CNNM1: variants seen among roughly 807,000 people sequenced by gnomAD.
The protein encoded by CNNM1 is metal transporter CNNM1.
CNNM1 carries 44 observed loss-of-function variants against 78.8 expected under a neutral mutation model. The ratio of observed to expected loss-of-function variants is 0.56; its 90% CI spans 0.44 to 0.72. CNNM1 has a LOEUF of 0.72. Among genes scored for constraint, CNNM1 ranks in the 30% least tolerant of loss-of-function variants. CNNM1 has a pLI of 0.00. For synonymous variants in CNNM1, 584 were observed against 581.5 expected (o/e 1.00, Z -0.06); for missense variants, 1,101 against 1,292.2 (o/e 0.85, Z 2.27).
intron 1 of CNNM1, among the ~76,000 whole-genome samples, chr10:99,351,974 C>G (rs563233247): frequency 6.6e-6 from 1 of 152,264 alleles, no homozygotes; most frequent in East Asian, 1.9e-4. Context: ...ATAATAGCTT[C>G]ATTGAGATAG....
chr10:99,378,396 T>C (rs2032042729), intron 7 of CNNM1, among the ~76,000 whole-genome samples: 2 of 152,214 alleles, frequency 1.3e-5, no homozygotes, highest in Non-Finnish European at 2.9e-5. Context: ...GGCTGGGTCA[T>C]GAGAGGTGCA....
intron 6 of CNNM1, among the ~76,000 whole-genome samples, chr10:99,373,341 C>G (rs901050631): frequency 6.6e-6 from 1 of 152,172 alleles, no homozygotes; most frequent in Non-Finnish European, 1.5e-5. Context: ...ACACTCTCTT[C>G]CCTTGGTTAT....
chr10:99,363,230 CCT>C (rs1316518352), intron 4 of CNNM1, among the ~76,000 whole-genome samples: 1 of 152,226 alleles, frequency 6.6e-6, no homozygotes, highest in African/African-American at 2.4e-5. Flanking sequence ...CCACTTCCAG[CCT>C]CTCTGCTCTG....
intron 4 of CNNM1, among the ~76,000 whole-genome samples, chr10:99,363,334 G>A (rs1156539834): frequency 6.6e-6 from 1 of 152,008 alleles, no homozygotes; most frequent in Admixed American, 6.6e-5. Flanking sequence ...CTTCACTGTT[G>A]GAAATCAACA....
At chr10:99,356,605 AAAAG>A (rs1166218221) in intron 1 of CNNM1, among the ~76,000 whole-genome samples, 1,733 of 56,148 alleles carry the variant, frequency 0.031, 47 homozygotes, top group African/African-American at 0.058. Context: ...AGAAAGAAAG[AAAAG>A]AAAGAAAGAA....
At chr10:99,385,475 C>A (rs1262824750) in intron 7 of CNNM1, among the ~76,000 whole-genome samples, 1 of 152,206 alleles carries the variant, frequency 6.6e-6, no homozygotes, top group Non-Finnish European at 1.5e-5. Context: ...GGACACTGCT[C>A]CTTCCCCCAC....
At chr10:99,390,282 G>A (rs372487976) in intron 9 of CNNM1, 24 bp from the exon 10 acceptor site, 50 of 1,541,592 alleles carry the variant, frequency 3.2e-5, no homozygotes, top group Non-Finnish European at 4.3e-5. Context: ...GAGACAACTT[G>A]AGTTCTCTCC....
chr10:99,340,012 T>C (rs1478757023), intron 1 of CNNM1, among the ~76,000 whole-genome samples: 1 of 152,242 alleles, frequency 6.6e-6, no homozygotes, highest in Non-Finnish European at 1.5e-5. Context: ...TAAATGTTGC[T>C]AAATAATAAT....
At chr10:99,356,380 G>T (rs2031146779) in intron 1 of CNNM1, among the ~76,000 whole-genome samples, 2 of 151,894 alleles carry the variant, frequency 1.3e-5, no homozygotes, top group Non-Finnish European at 2.9e-5. Flanking sequence ...GGAGGCTGAG[G>T]TAGGAGAATC....
intron 7 of CNNM1, among the ~76,000 whole-genome samples, chr10:99,377,670 G>A (rs917487653): frequency 2.6e-5 from 4 of 152,212 alleles, no homozygotes; most frequent in African/African-American, 9.6e-5. Flanking sequence ...TTAAAAAGAA[G>A]AAACCATGCT....
At chr10:99,388,422 G>A (rs1440699463) in intron 9 of CNNM1, 121 bp downstream of exon 9, 27 of 1,126,176 alleles carry the variant, frequency 2.4e-5, no homozygotes, top group Non-Finnish European at 3.4e-5. Context: ...TTAAACCTCC[G>A]ACCTCCTTAC....
chr10:99,358,244 T>C (rs1200096236), intron 2 of CNNM1, among the ~76,000 whole-genome samples: 1 of 152,232 alleles, frequency 6.6e-6, no homozygotes, highest in Non-Finnish European at 1.5e-5. Context: ...TCCTTCTTTC[T>C]GGTCTGCTGC....
intron 1 of CNNM1, among the ~76,000 whole-genome samples, chr10:99,339,476 T>C (rs1193221515): frequency 6.6e-6 from 1 of 152,214 alleles, no homozygotes; most frequent in Non-Finnish European, 1.5e-5. Flanking sequence ...AGGTGAGCAG[T>C]GGGCAAGCAT....
intron 1 of CNNM1, among the ~76,000 whole-genome samples, chr10:99,344,817 G>A (rs2030614759): frequency 6.6e-6 from 1 of 152,166 alleles, no homozygotes; most frequent in African/African-American, 2.4e-5. Context: ...GGATTTGAAG[G>A]CGAAGTGTAG....
intron 6 of CNNM1, among the ~76,000 whole-genome samples, chr10:99,375,470 A>G (rs1237208741): frequency 6.6e-6 from 1 of 152,206 alleles, no homozygotes; most frequent in Non-Finnish European, 1.5e-5. Flanking sequence ...GGAACTGCAT[A>G]TAAGTGGATG....
chr10:99,332,518 AAAAG>A (rs998479887), intron 1 of CNNM1, among the ~76,000 whole-genome samples: 6 of 152,098 alleles, frequency 3.9e-5, no homozygotes, highest in Non-Finnish European at 5.9e-5. Context: ...CCTGTCTCAA[AAAAG>A]AAAGAAAGAG....
chr10:99,347,204 A>C (rs1311816581), intron 1 of CNNM1, among the ~76,000 whole-genome samples: 9 of 151,118 alleles, frequency 6.0e-5, no homozygotes, highest in Non-Finnish European at 8.8e-5. Context: ...GAAAAAAAAA[A>C]CACAGCAGCT....
intron 9 of CNNM1, 95 bp downstream of exon 9, chr10:99,388,396 G>A: frequency 7.0e-7 from 1 of 1,433,664 alleles, no homozygotes; most frequent in Non-Finnish European, 9.4e-7. Flanking sequence ...GGAGCCCTGG[G>A]ACCGCAGCCC....
chr10:99,366,111 A>G (rs1162336307), intron 6 of CNNM1, among the ~76,000 whole-genome samples: 1 of 152,244 alleles, frequency 6.6e-6, no homozygotes, highest in Non-Finnish European at 1.5e-5. Flanking sequence ...CAGTGGTTGA[A>G]ATGAAGTACC....
Sources: allele counts gnomAD v4.1 joint callset (sites outside exome capture counted in the v4.1 genomes callset), GRCh38; gene constraint gnomAD v4.1.1; transcripts MANE v1.5; gene names NCBI Gene and HGNC (gene_info 2026-07-23, HGNC 2026-07-21).